AFAP1L2: variants seen among roughly 807,000 people sequenced by gnomAD.
The protein encoded by AFAP1L2 is actin filament-associated protein 1-like 2.
Under a neutral mutation model 99.3 loss-of-function variants are expected in AFAP1L2, and 46 were observed. That is an observed-to-expected ratio of 0.46 (90% CI 0.37 to 0.59). The LOEUF is 0.59. AFAP1L2 is among the 20% of genes least tolerant of loss of function. The pLI, the probability that AFAP1L2 is intolerant of heterozygous loss-of-function variation, is 0.00. For synonymous variants in AFAP1L2, 397 were observed against 419.1 expected (o/e 0.95, Z 0.64); for missense variants, 959 against 1,034.9 (o/e 0.93, Z 1.01).
At chr10:114,297,847 C>T (rs932582194) in intron 16 of AFAP1L2, among the ~76,000 whole-genome samples, 4 of 152,204 alleles carry the variant, frequency 2.6e-5, no homozygotes, top group African/African-American at 9.7e-5. Flanking sequence ...CCTGGCTCCT[C>T]CTGTTAACCC....
chr10:114,297,138 G>A (rs1329597092), intron 17 of AFAP1L2, 38 bp from the exon 18 acceptor site: 1 of 1,611,946 alleles, frequency 6.2e-7, no homozygotes, highest in Non-Finnish European at 8.5e-7. Context: ...TGAGTCAAGG[G>A]GAGGGAGATG....
intron 1 of AFAP1L2, among the ~76,000 whole-genome samples, chr10:114,360,470 T>G (rs1281155670): frequency 6.6e-6 from 1 of 152,000 alleles, no homozygotes; most frequent in East Asian, 1.9e-4. Context: ...GATAGATACC[T>G]CGATATCTCA....
intron 1 of AFAP1L2, among the ~76,000 whole-genome samples, chr10:114,352,889 A>C (rs2050754179): frequency 6.6e-6 from 1 of 152,226 alleles, no homozygotes; most frequent in Non-Finnish European, 1.5e-5. Context: ...TAGAAGGAAT[A>C]ATCCATGACT....
intron 2 of AFAP1L2, among the ~76,000 whole-genome samples, chr10:114,338,298 T>C (rs2048292434): frequency 6.6e-6 from 1 of 152,204 alleles, no homozygotes; most frequent in African/African-American, 2.4e-5. Context: ...CTGTTCCCGC[T>C]GGGAGGCAGA....
chr10:114,339,922 A>T (rs1413692774), intron 2 of AFAP1L2, among the ~76,000 whole-genome samples: 1 of 150,862 alleles, frequency 6.6e-6, no homozygotes, highest in Admixed American at 6.6e-5. Context: ...GAGGCAGGAG[A>T]ATCGCTTGAA....
intron 1 of AFAP1L2, among the ~76,000 whole-genome samples, chr10:114,353,791 A>G (rs2050901261): frequency 6.6e-6 from 1 of 152,166 alleles, no homozygotes; most frequent in African/African-American, 2.4e-5. Flanking sequence ...GGGGTGGGGG[A>G]CAGAGGATAA....
At position 114,336,959 on chromosome 10, in the gene AFAP1L2, T is replaced by C. The variant is rs148621549; in HGVS notation, c.145+3644A>G. On this transcript the variant is annotated intron_variant, in intron 2 of 18. Coordinates refer to ENST00000304129, the MANE Select transcript of AFAP1L2 (RefSeq NM_001001936.3). Reference sequence around the variant, plus strand: ...GCACACATACACATCCTGCCCAAAATGTGTGGAAGTCCCAGAAGCTCAGCC... The same window carrying C: ...GCACACATACACATCCTGCCCAAAACGTGTGGAAGTCCCAGAAGCTCAGCC... Among the ~76,000 whole-genome samples, 13 of 152,280 alleles carry C rather than the reference T, an allele frequency of 8.5e-5. No individual in the cohort carries two copies. The East Asian group carries it at 2.3e-3, about 27-fold the overall frequency.
rs1438524950 is a variant in AFAP1L2, at chr10:114,296,045, AC to A, written c.2453del (p.Ser818IlefsTer41). On this transcript the variant is annotated frameshift_variant, in exon 19 of 19. Transcript: ENST00000304129. LOFTEE classifies it high-confidence loss of function. ...KAKEWEKKGA[S>X] ...GTCTTTAGATGAAGCTTGTTTTCTA[AC>A]TTGCTCCTTTCTTCTCCCATTCCTA... 6.2e-7 allele frequency: 1 copy of A among 1,614,012 alleles called. No homozygotes were observed. Among genetic ancestry groups the A allele is most frequent in the Non-Finnish European group, 8.5e-7 (1 of 1,180,010 alleles).
rs745981925 is a variant in AFAP1L2, at chr10:114,297,290, T to C, written c.2237A>G (p.Lys746Arg). 22 of 1,613,926 alleles carry C rather than the reference T, an allele frequency of 1.4e-5. No homozygotes were observed. In the East Asian group the frequency reaches 3.3e-4, roughly 25 times the overall value. The change falls in exon 17 of 19, where the codon AAG (lysine) becomes AGG (arginine). Residue 746 changes from lysine to arginine, a missense_variant. Transcript: ENST00000304129. The part of the protein sequence containing the change: ...SIMEVKDNLK[K>R]AEAGPVTLGT... Reference sequence around the variant, plus strand: ...TAACGTCACAGGCCCTGCCTCAGCCTTCTTCAGGTTGTCCTTCACCTCCAT... The same window carrying C: ...TAACGTCACAGGCCCTGCCTCAGCCCTCTTCAGGTTGTCCTTCACCTCCAT...
Position 114,304,868 on chromosome 10 carries a change from G to C in AFAP1L2, c.1135C>G (p.His379Asp). ...KSRWCSVRDNHLHFYQDRNRS... is the reference protein window; with the variant it reads ...KSRWCSVRDNDLHFYQDRNRS... The stretch of plus-strand genomic sequence containing the variant: ...TTCCGGTCCTGGTAGAAGTGCAGGT[G>C]ATTGTCCCTGACAGAGCACCAGCGA... The change falls in exon 11 of 19, where the codon CAC becomes GAC. Residue 379 changes from histidine (H) to aspartate (D), a missense_variant. Physicochemically the swap from His to Asp is moderately conservative, Grantham distance 81. Transcript: ENST00000304129. The C allele has an allele frequency of 6.2e-7, 1 of 1,613,504 alleles. No individual in the cohort carries two copies. Among genetic ancestry groups the C allele is most frequent in the South Asian group, 1.1e-5 (1 of 91,080 alleles).
intron 1 of AFAP1L2, among the ~76,000 whole-genome samples, chr10:114,367,439 C>CT (rs1307733177): frequency 6.6e-6 from 1 of 152,192 alleles, no homozygotes; most frequent in Non-Finnish European, 1.5e-5. Context: ...GGGGCTGTCT[C>CT]CACTGCCCAC....
At chr10:114,305,636 CAGG>C (rs1300882814) in intron 10 of AFAP1L2, among the ~76,000 whole-genome samples, 5 of 87,718 alleles carry the variant, frequency 5.7e-5, no homozygotes, top group Non-Finnish European at 1.2e-4. Flanking sequence ...GATGCAGATG[CAGG>C]AGGAGATGCA....
chr10:114,347,239 C>T (rs2049740833), intron 1 of AFAP1L2, among the ~76,000 whole-genome samples: 1 of 152,212 alleles, frequency 6.6e-6, no homozygotes, highest in Admixed American at 6.5e-5. Context: ...CAGCATCCTA[C>T]AGATGCCAGG....
rs1352301662 is a variant in AFAP1L2 at position 114,295,913 on chromosome 10, TTCACAGTACC to T, written c.*119_*128del. ...GCCTCCTCTTAGCTGAAGCTCTCCA[TTCACAGTACC>T]TCAGTCTTTGCTTTTTCTTCTAAAC... On this transcript the variant is annotated 3_prime_UTR_variant, in exon 19 of 19. Transcript: ENST00000304129. 2 of 1,574,092 alleles carry T rather than the reference TTCACAGTACC, an allele frequency of 1.3e-6. No homozygotes were observed. Among genetic ancestry groups the T allele is most frequent in the African/African-American group, 2.7e-5 (2 of 73,744 alleles).
chr10:114,402,698 G>C (rs1256864006), intron 1 of AFAP1L2, among the ~76,000 whole-genome samples: 1 of 152,204 alleles, frequency 6.6e-6, no homozygotes, highest in Non-Finnish European at 1.5e-5. Context: ...CTTTTATCAG[G>C]TCAAGGGCCA....
At chr10:114,344,199 T>C (rs887626418) in intron 1 of AFAP1L2, among the ~76,000 whole-genome samples, 2 of 152,154 alleles carry the variant, frequency 1.3e-5, no homozygotes, top group African/African-American at 4.8e-5. Context: ...AGGCCTTAGC[T>C]TGTGTTGTGT....
rs62641718 is a variant in AFAP1L2 at position 114,300,507 on chromosome 10, A to C, written c.1726T>G (p.Ser576Ala). ...DNATEALPADSGPGPTPDEPC... is the reference protein window; with the variant it reads ...DNATEALPADAGPGPTPDEPC... ...TCATCTGGGGTGGGACCTGGGCCTG[A>C]GTCTGCCGGGAGGGCCTCAGTTGCA... The change falls in exon 14 of 19, where the codon TCA (serine) becomes GCA (alanine). Residue 576 changes from serine (S) to alanine (A), a missense_variant. Physicochemically the swap from Ser to Ala is moderately conservative, Grantham distance 99 (BLOSUM62 1). This residue lies in a region of AFAP1L2 where 576 missense variants were observed against 562.1 expected (regional missense o/e 1.02). Coordinates refer to ENST00000304129, the MANE Select transcript of AFAP1L2 (RefSeq NM_001001936.3). 1.9e-6 allele frequency: 3 copies of C among 1,614,056 alleles called. No individual in the cohort carries two copies. In the Middle Eastern group the frequency reaches 4.9e-4, roughly 266 times the overall value.
intron 5 of AFAP1L2, among the ~76,000 whole-genome samples, chr10:114,321,213 G>A (rs556412465): frequency 1.3e-5 from 2 of 152,220 alleles, no homozygotes; most frequent in South Asian, 4.2e-4. Context: ...TCATTCGAGT[G>A]GTGTACACTG....
intron 1 of AFAP1L2, among the ~76,000 whole-genome samples, chr10:114,388,883 T>C (rs2056822210): frequency 6.6e-6 from 1 of 152,090 alleles, no homozygotes; most frequent in Non-Finnish European, 1.5e-5. Flanking sequence ...TTCAGAGACA[T>C]GGGCAGAAAC....
Sources: allele counts gnomAD v4.1 joint callset (sites outside exome capture counted in the v4.1 genomes callset), GRCh38; gene constraint gnomAD v4.1.1; regional missense constraint gnomAD v4.1.1; transcripts MANE v1.5; gene names NCBI Gene and HGNC (gene_info 2026-07-23, HGNC 2026-07-21).